The following RBM38 variants were observed in gnomAD, a reference collection of about 807,000 sequenced individuals.
The protein encoded by RBM38 is RNA-binding protein 38.
A neutral mutation model predicts 23.5 loss-of-function variants in RBM38; 11 were observed. That is an observed-to-expected ratio of 0.47 (90% CI 0.29 to 0.77). The LOEUF (loss-of-function observed/expected upper bound fraction) is 0.77. RBM38 is among the 30% of genes least tolerant of loss of function. The pLI is 0.08. For synonymous variants in RBM38, 165 were observed against 166.1 expected (o/e 0.99, Z 0.05); for missense variants, 330 against 351.9 (o/e 0.94, Z 0.50).
Position 57,406,033 on chromosome 20 carries a change from A to G in RBM38, c.417-1510A>G, listed in dbSNP as rs373815536. On this transcript the variant is annotated intron_variant, in intron 3 of 3. Transcript: ENST00000356208. ...CAGGTCAGAAGGAAGCTGAGGTTCC[A>G]AGTCACCCCCCAGGCGGGCCTGGCC... 8.5e-5 allele frequency among the ~76,000 whole-genome samples: 13 copies of G among 152,346 alleles called. No individual in the cohort carries two copies. In the East Asian group the frequency reaches 2.3e-3, roughly 27 times the overall value.
At chr20:57,401,366 C>G (rs1226799322) in intron 3 of RBM38, among the ~76,000 whole-genome samples, 1 of 152,188 alleles carries the variant, frequency 6.6e-6, no homozygotes, top group African/African-American at 2.4e-5. Context: ...CTGTGACTTG[C>G]TGGGTGGAGC....
intron 3 of RBM38, among the ~76,000 whole-genome samples, chr20:57,401,676 A>G (rs1243839754): frequency 3.9e-5 from 6 of 152,002 alleles, no homozygotes; most frequent in Non-Finnish European, 5.9e-5. Flanking sequence ...GCCTGGGTGG[A>G]CCCCTGAGGG....
At chr20:57,394,697 C>T (rs896948969) in intron 3 of RBM38, among the ~76,000 whole-genome samples, 1 of 152,202 alleles carries the variant, frequency 6.6e-6, no homozygotes, top group African/African-American at 2.4e-5. Context: ...CTGTAGCCTT[C>T]ATGCCTTCAC....
chr20:57,393,230 A>C, intron 2 of RBM38, 49 bp from the exon 3 acceptor site: 1 of 1,577,178 alleles, frequency 6.3e-7, no homozygotes, highest in Non-Finnish European at 8.7e-7. Context: ...AGCCCTTGAG[A>C]CGTGGCTCGT....
chr20:57,392,344 C>G (rs987655414), intron 1 of RBM38: 2 of 1,297,140 alleles, frequency 1.5e-6, no homozygotes, highest in Admixed American at 2.1e-5. Flanking sequence ...GTGGGCAAGT[C>G]CAGGCGGCCC....
At chr20:57,405,427 G>A (rs766067487) in intron 3 of RBM38, among the ~76,000 whole-genome samples, 3 of 152,232 alleles carry the variant, frequency 2.0e-5, no homozygotes, top group Non-Finnish European at 2.9e-5. Context: ...CCTGGGGAGA[G>A]GGACAGGAGG....
At chr20:57,398,639 G>A (rs372564488) in intron 3 of RBM38, among the ~76,000 whole-genome samples, 2 of 152,244 alleles carry the variant, frequency 1.3e-5, no homozygotes, top group South Asian at 2.1e-4. Context: ...CGCCCGTGCC[G>A]CACCTGTTGT....
intron 3 of RBM38, among the ~76,000 whole-genome samples, chr20:57,399,004 G>A (rs1299119387): frequency 6.6e-6 from 1 of 152,226 alleles, no homozygotes; most frequent in Non-Finnish European, 1.5e-5. Context: ...TGCCAGGCTG[G>A]GGATGCCTGC....
At chr20:57,398,674 G>T (rs1297490498) in intron 3 of RBM38, among the ~76,000 whole-genome samples, 1 of 152,262 alleles carries the variant, frequency 6.6e-6, no homozygotes, top group Non-Finnish European at 1.5e-5. Flanking sequence ...GAAACAGAAA[G>T]CAGCCTTTGG....
intron 3 of RBM38, among the ~76,000 whole-genome samples, chr20:57,398,545 G>GCCCCCCTGC (rs2067297552): frequency 6.9e-6 from 1 of 144,830 alleles, no homozygotes; most frequent in Non-Finnish European, 1.5e-5. Flanking sequence ...TGGCCCCGCC[G>GCCCCCCTGC]CCCCCCTGCC....
In RBM38 at chr20:57,407,159, G is replaced by A. The variant is rs1010439366; in HGVS notation, c.417-384G>A. 6.6e-6 allele frequency among the ~76,000 whole-genome samples: 1 copy of A among 152,162 alleles called. No individual in the cohort carries two copies. The highest frequency in any genetic ancestry group is 2.4e-5 in the African/African-American group (1 of 41,428). ...TCCCAGACATGCAACCAGGACATTC[G>A]TACCGGGCCCTGCTCTTGATCGCAT... On this transcript the variant is annotated intron_variant, in intron 3 of 3. Coordinates refer to ENST00000356208, the MANE Select transcript of RBM38 (RefSeq NM_017495.6). The surrounding 1 kb of genome is among the most constrained non-coding windows in gnomAD (Gnocchi z 4.0).
chr20:57,402,390 G>A (rs2067337602), intron 3 of RBM38, among the ~76,000 whole-genome samples: 1 of 152,218 alleles, frequency 6.6e-6, no homozygotes, highest in East Asian at 1.9e-4. Context: ...TGGAAGCAGG[G>A]AGCTCCCTGT....
At chr20:57,394,618 C>T (rs985457763) in intron 3 of RBM38, among the ~76,000 whole-genome samples, 2 of 151,756 alleles carry the variant, frequency 1.3e-5, no homozygotes, top group Non-Finnish European at 1.5e-5. Flanking sequence ...GAGCAGGCGG[C>T]CCTGTCCGTC....
chr20:57,407,436 A>C lies in RBM38; in HGVS notation c.417-107A>C. ...CTGTGCCCATCTGACCGATGAGGAA[A>C]GTCGGGGCTCGGGGTGGGGGGCGGC... On this transcript the variant is annotated intron_variant, in intron 3 of 3. Transcript: ENST00000356208. This position sits in a 1 kb window ranked among gnomAD's most constrained non-coding sequence, Gnocchi z 4.0. The C allele has an allele frequency of 7.0e-6, 9 of 1,293,526 alleles. No individual in the cohort carries two copies. The highest frequency in any genetic ancestry group is 1.5e-5 in the African/African-American group (1 of 67,240). The allele number at this position is 1,293,526 out of a possible 1,614,324, so 80.1% of individuals were successfully genotyped here.
rs1344702369 is a variant in RBM38 at position 57,408,856 on chromosome 20, G to A, written c.*1010G>A. The A allele has an allele frequency of 6.5e-6, 1 of 152,726 alleles. No individual in the cohort carries two copies. The highest frequency in any genetic ancestry group is 1.5e-5 in the Non-Finnish European group (1 of 68,080). The allele number at this position is 152,726 out of a possible 1,614,324, so 9.5% of individuals were successfully genotyped here. On this transcript the variant is annotated 3_prime_UTR_variant, in exon 4 of 4. Coordinates refer to ENST00000356208, the MANE Select transcript of RBM38 (RefSeq NM_017495.6). ...CAACTCCCCAAACACTGTGGAAGGG[G>A]AGAAGGAAGTGATCCACAGCATTCA...
chr20:57,403,200 C>T (rs2067347070), intron 3 of RBM38, among the ~76,000 whole-genome samples: 1 of 152,204 alleles, frequency 6.6e-6, no homozygotes, highest in South Asian at 2.1e-4. Flanking sequence ...CTAGTGGCAC[C>T]TCTAGGCCTC....
chr20:57,399,201 G>A (rs954017310), intron 3 of RBM38, among the ~76,000 whole-genome samples: 1 of 152,248 alleles, frequency 6.6e-6, no homozygotes, highest in Non-Finnish European at 1.5e-5. Context: ...AGAGGACTTT[G>A]ATGACCCAGG....
rs1193119341 is a variant in RBM38 at position 57,391,411 on chromosome 20, C to G, written c.-171C>G. ...GTGCCGGGGCGCAGAGTCCCCGCAGCGCCGGTCGGGAGCGCAGCGCGGCGC... is the reference window on the plus strand; with the variant it reads ...GTGCCGGGGCGCAGAGTCCCCGCAGGGCCGGTCGGGAGCGCAGCGCGGCGC... On this transcript the variant is annotated 5_prime_UTR_variant, in exon 1 of 4. Coordinates refer to ENST00000356208, the MANE Select transcript of RBM38 (RefSeq NM_017495.6). The G allele has an allele frequency of 6.7e-6, 1 of 148,548 alleles. No individual in the cohort carries two copies. The highest frequency in any genetic ancestry group is 1.5e-5 in the Non-Finnish European group (1 of 67,130). The allele number at this position is 148,548 out of a possible 1,614,324, so 9.2% of individuals were successfully genotyped here. A position where few individuals can be genotyped will look rare whatever the true frequency, so the allele number is the denominator to read the frequency against.
chr20:57,392,853 G>C, intron 2 of RBM38, 76 bp downstream of exon 2: 2 of 1,557,370 alleles, frequency 1.3e-6, no homozygotes, highest in Non-Finnish European at 1.7e-6. Context: ...GTGGAAAGAG[G>C]CCCCCCCTCC....
Sources: gnomAD v4.1 joint callset for allele counts (sites outside exome capture counted in the v4.1 genomes callset) on GRCh38, gnomAD v4.1.1 for gene constraint, Gnocchi (gnomAD v3.1) non-coding constraint, MANE v1.5 for transcripts, NCBI Gene and HGNC (gene_info 2026-07-23, HGNC 2026-07-21) for gene names.